SEC14L1: variants seen among roughly 807,000 people sequenced by gnomAD.
The protein encoded by SEC14L1 is SEC14 like lipid binding 1.
SEC14L1 carries 48 observed loss-of-function variants against 85.3 expected under a neutral mutation model. The ratio of observed to expected loss-of-function variants is 0.56; its 90% confidence interval spans 0.45 to 0.72. The LOEUF (loss-of-function observed/expected upper bound fraction) is 0.72, where lower values mean the gene tolerates loss of function less well. Ranked by LOEUF, SEC14L1 falls within the 30% of genes least tolerant of loss-of-function variation. The probability of loss-of-function intolerance (pLI) is 0.00; values close to 1 mark genes in which losing one functional copy is unlikely to be tolerated. For synonymous variants in SEC14L1, 391 were observed against 355.5 expected (o/e 1.10, Z -1.12); for missense variants, 682 against 921.4 (o/e 0.74, Z 3.36).
intron 2 of SEC14L1, among the ~76,000 whole-genome samples, 167 bp from the exon 3 acceptor site, chr17:77,143,400 C>T (rs1357115255): frequency 1.3e-5 from 2 of 152,176 alleles, no homozygotes; most frequent in Non-Finnish European, 2.9e-5. Flanking sequence ...TTACCTCCCC[C>T]TGCCCTCATG....
chr17:77,208,354 T>C (rs563604547), intron 13 of SEC14L1, among the ~76,000 whole-genome samples: 1 of 152,310 alleles, frequency 6.6e-6, no homozygotes, highest in East Asian at 1.9e-4. Context: ...TTTCATGATA[T>C]GAGCTAGCCA....
At chr17:77,203,163 G>A (rs1976261032) in intron 9 of SEC14L1, among the ~76,000 whole-genome samples, 1 of 152,188 alleles carries the variant, frequency 6.6e-6, no homozygotes, top group Non-Finnish European at 1.5e-5. Context: ...TGTCTGGATA[G>A]TTTGATGTTC....
chr17:77,148,993 C>T (rs1852899450), intron 3 of SEC14L1, among the ~76,000 whole-genome samples: 1 of 152,198 alleles, frequency 6.6e-6, no homozygotes, highest in South Asian at 2.1e-4. Flanking sequence ...GTGCTGTTTC[C>T]TGCCCCCTCT....
In SEC14L1 at chr17:77,190,956, A is replaced by T; in HGVS notation, c.213+4A>T. On this transcript the variant is annotated splice_donor_region_variant and intron_variant, in intron 4 of 16. Coordinates refer to ENST00000436233, the MANE Select transcript of SEC14L1 (RefSeq NM_001143998.2). ...TGCACCCAGACTGCTGAAGAAGGTA[A>T]AGGTCGGAAAGGACGTCTTGGAGGG... 1 of 1,613,620 alleles carries T rather than the reference A, an allele frequency of 6.2e-7. No individual in the cohort carries two copies. Among genetic ancestry groups the T allele is most frequent in the African/African-American group, 1.3e-5 (1 of 74,914 alleles).
chr17:77,148,712 C>T (rs894569933), intron 3 of SEC14L1, among the ~76,000 whole-genome samples: 1 of 152,222 alleles, frequency 6.6e-6, no homozygotes, highest in Non-Finnish European at 1.5e-5. Flanking sequence ...AGGGAAAGAC[C>T]AGGGGTCCCT....
chr17:77,142,692 A>T lies in SEC14L1; in HGVS notation c.-89A>T, dbSNP rs1388850248. ...GATATTCAGTTTTGTATGTTTGAAT[A>T]TCCTCTCACCATGTTCAGCATAAAG... On this transcript the variant is annotated 5_prime_UTR_variant, in exon 2 of 17. Transcript: ENST00000436233. 1 of 151,760 alleles carries T rather than the reference A, an allele frequency of 6.6e-6. No homozygotes were observed. Among genetic ancestry groups the T allele is most frequent in the African/African-American group, 2.4e-5 (1 of 41,246 alleles). 9.4% of individuals were successfully genotyped at this position (151,760 alleles called of 1,614,324 possible). A position where few individuals can be genotyped will look rare whatever the true frequency, so the allele number is the denominator to read the frequency against.
At chr17:77,157,515 T>C (rs1322279104) in intron 3 of SEC14L1, among the ~76,000 whole-genome samples, 1 of 150,926 alleles carries the variant, frequency 6.6e-6, no homozygotes, top group Non-Finnish European at 1.5e-5. Context: ...GAAAGGAGGG[T>C]GGTTTCTATT....
rs1976491580 is a variant in SEC14L1 at position 77,206,948 on chromosome 17, ACTT to A, written c.1476+88_1476+90del. ...TCGATTTGCACAAATGATTTTCAGA[ACTT>A]CCAGTTGTTTGGATGTTTTGTTTTT... On this transcript the variant is annotated intron_variant, in intron 13 of 16. Coordinates refer to ENST00000436233, the MANE Select transcript of SEC14L1 (RefSeq NM_001143998.2). This position sits in a 1 kb window ranked among gnomAD's most constrained non-coding sequence, Gnocchi z 4.3. The A allele has an allele frequency of 7.6e-7, 1 of 1,323,930 alleles. No individual in the cohort carries two copies. Among genetic ancestry groups the A allele is most frequent in the East Asian group, 2.5e-5 (1 of 39,368 alleles). 82.0% of individuals were successfully genotyped at this position (1,323,930 alleles called of 1,614,324 possible).
intron 3 of SEC14L1, among the ~76,000 whole-genome samples, chr17:77,156,995 T>C (rs141643865): frequency 6.6e-6 from 1 of 152,342 alleles, no homozygotes; most frequent in East Asian, 1.9e-4. Context: ...TTCTTGACTC[T>C]GGTGGAATGG....
chr17:77,100,976 A>G (rs907689751), intron 3 of SEC14L1, among the ~76,000 whole-genome samples: 4 of 152,184 alleles, frequency 2.6e-5, no homozygotes, highest in African/African-American at 9.6e-5. Context: ...AGGAAAATAT[A>G]AGAGCTGGAT....
intron 13 of SEC14L1, among the ~76,000 whole-genome samples, chr17:77,208,768 T>C (rs1014316665): frequency 2.6e-5 from 4 of 152,252 alleles, no homozygotes; most frequent in Admixed American, 2.6e-4. Flanking sequence ...TTATGAACTT[T>C]AGTGTGGAGT....
At chr17:77,115,943 C>G (rs550126054) in intron 3 of SEC14L1, among the ~76,000 whole-genome samples, 100 of 147,950 alleles carry the variant, frequency 6.8e-4, no homozygotes, top group African/African-American at 2.4e-3. Context: ...AATTTTGAGA[C>G]AGAGTCTCAC....
intron 14 of SEC14L1, chr17:77,211,239 C>T (rs1253712972): frequency 6.6e-6 from 1 of 152,524 alleles, no homozygotes; most frequent in African/African-American, 2.4e-5. Flanking sequence ...GGCTCTGCTG[C>T]TTCCTTAGGT....
Position 77,216,566 on chromosome 17 carries a change from A to G in SEC14L1, c.*2543A>G, listed in dbSNP as rs1424334769. The stretch of plus-strand genomic sequence containing the variant: ...TGTCTCAGATGGCGATTTTGCTGAC[A>G]GCTGCCAAGAAAATGCTTCACTCAA... On this transcript the variant is annotated 3_prime_UTR_variant, in exon 17 of 17. Coordinates refer to ENST00000436233, the MANE Select transcript of SEC14L1 (RefSeq NM_001143998.2). 2 of 1,613,198 alleles carry G rather than the reference A, an allele frequency of 1.2e-6. No homozygotes were observed. The highest frequency in any genetic ancestry group is 1.3e-5 in the African/African-American group (1 of 74,796).
rs1249109979 is a variant in SEC14L1, at chr17:77,213,787, GT to G, written c.2043-128del. 8.3e-7 allele frequency: 1 copy of G among 1,210,766 alleles called. No individual in the cohort carries two copies. Among genetic ancestry groups the G allele is most frequent in the Admixed American group, 1.8e-5 (1 of 55,654 alleles). The allele number at this position is 1,210,766 out of a possible 1,614,324, so 75.0% of individuals were successfully genotyped here. A position where few individuals can be genotyped will look rare whatever the true frequency, so the allele number is the denominator to read the frequency against. ...GGTGGGTTACTCATGTCCATCCCCCGTTTGCAAGCACTGATGGGGATGAGAA... is the reference window on the plus strand; with the variant it reads ...GGTGGGTTACTCATGTCCATCCCCCGTTGCAAGCACTGATGGGGATGAGAA... On this transcript the variant is annotated intron_variant, in intron 16 of 16. Transcript: ENST00000436233. This position sits in a 1 kb window ranked among gnomAD's most constrained non-coding sequence, Gnocchi z 7.1.
chr17:77,176,400 G>A (rs1202239523), intron 3 of SEC14L1, among the ~76,000 whole-genome samples: 1 of 152,182 alleles, frequency 6.6e-6, no homozygotes, highest in Non-Finnish European at 1.5e-5. Context: ...TCTCAGTCCC[G>A]TGTGAGGATT....
intron 3 of SEC14L1, among the ~76,000 whole-genome samples, chr17:77,183,934 C>T (rs941010498): frequency 1.2e-4 from 19 of 152,002 alleles, no homozygotes; most frequent in African/African-American, 3.6e-4. Flanking sequence ...TATAGGCATG[C>T]GCCACCACGC....
At chr17:77,117,086 G>T (rs565816276) in intron 3 of SEC14L1, among the ~76,000 whole-genome samples, 2 of 152,322 alleles carry the variant, frequency 1.3e-5, no homozygotes, top group South Asian at 4.1e-4. Context: ...AGTGGCTCAT[G>T]CCTGTAATCC....
At chr17:77,090,253 C>T (rs1354442360) in intron 2 of SEC14L1, among the ~76,000 whole-genome samples, 1 of 149,716 alleles carries the variant, frequency 6.7e-6, no homozygotes, top group African/African-American at 2.5e-5. Context: ...GATCGCGCCA[C>T]TATACTGCAG....
Sources: allele counts gnomAD v4.1 joint callset (sites outside exome capture counted in the v4.1 genomes callset), GRCh38; gene constraint gnomAD v4.1.1; non-coding constraint Gnocchi (gnomAD v3.1); transcripts MANE v1.5; gene names NCBI Gene and HGNC (gene_info 2026-07-23, HGNC 2026-07-21).